TLE5: variants seen among roughly 807,000 people sequenced by gnomAD.
TLE5 encodes TLE family member 5, transcriptional modulator.
In TLE5, 7 loss-of-function variants were observed where a neutral mutation model predicts 25.8. The ratio of observed to expected loss-of-function variants is 0.27; its 90% CI spans 0.15 to 0.51. The LOEUF is 0.51. TLE5 is among the 20% of genes least tolerant of loss of function. The pLI, the probability that TLE5 is intolerant of heterozygous loss-of-function variation, is 0.97. For missense variants in TLE5, 149 were observed against 250.7 expected (o/e 0.59, Z 2.74); for synonymous variants, 132 against 110.5 (o/e 1.20, Z -1.22).
chr19:3,054,353 C>G (rs1374907810), intron 5 of TLE5, 159 bp from the exon 6 acceptor site: 1 of 650,182 alleles, frequency 1.5e-6, no homozygotes, highest in African/African-American at 1.8e-5. Context: ...CACCCTCCCT[C>G]TCTCCAACTG....
In TLE5 at chr19:3,053,513, G is replaced by A. The variant is rs1284308789; in HGVS notation, c.*306C>T. The stretch of plus-strand genomic sequence containing the variant: ...AAGGGCCGGGGCTGCTGCGCTTCGC[G>A]AGGTCTTGCTCCCTTGGGACCTGGT... On this transcript the variant is annotated 3_prime_UTR_variant, in exon 7 of 7. Coordinates refer to ENST00000327141, the MANE Select transcript of TLE5 (RefSeq NM_001130.6). 4.4e-6 allele frequency: 2 copies of A among 454,788 alleles called. No individual in the cohort carries two copies. Among genetic ancestry groups the A allele is most frequent in the African/African-American group, 2.0e-5 (1 of 50,770 alleles). 28.2% of individuals were successfully genotyped at this position (454,788 alleles called of 1,614,324 possible).
At chr19:3,055,836 A>C in intron 4 of TLE5, 110 bp from the exon 5 acceptor site, 5 of 1,239,132 alleles carry the variant, frequency 4.0e-6, no homozygotes, top group Non-Finnish European at 5.6e-6. Context: ...GCGGCTTCTA[A>C]GAGGGGCTAG....
chr19:3,058,906 C>T (rs2090242039), intron 2 of TLE5, among the ~76,000 whole-genome samples: 1 of 152,214 alleles, frequency 6.6e-6, no homozygotes, highest in South Asian at 2.1e-4. Context: ...AGCCCTTCGT[C>T]TTCCCTGCTG....
rs1172056825 is a variant in TLE5, at chr19:3,056,324, C to T, written c.222G>A (p.Glu74=). 3 of 1,528,530 alleles carry T rather than the reference C, an allele frequency of 2.0e-6. No homozygotes were observed. Among genetic ancestry groups the T allele is most frequent in the Non-Finnish European group, 2.6e-6 (3 of 1,138,332 alleles). The allele number at this position is 1,528,530 out of a possible 1,614,324, so 94.7% of individuals were successfully genotyped here. ...GAGATGGGCGTACCTGTTTGTGCAT[C>T]TCGATGTTCAAGCCGTAGGACATCT... The part of the protein sequence containing the change: ...YYEMSYGLNI[E]MHKQAEIVKR... Residue 74 remains glutamate (E), a synonymous_variant, in exon 4 of 7, where the codon GAG becomes GAA. Transcript: ENST00000327141.
In TLE5 at chr19:3,057,490, C is replaced by G. The variant is rs756285942; in HGVS notation, c.189+189G>C. On this transcript the variant is annotated intron_variant, in intron 3 of 6. Transcript: ENST00000327141. ...CGGTTTGGCACCTCGGCCACTGCCT[C>G]GGCCATCTGCCAGGCTAGCGAGGCA... The G allele has an allele frequency of 1.6e-5, 10 of 607,898 alleles. No individual in the cohort carries two copies. In the South Asian group the frequency reaches 1.8e-4, roughly 11 times the overall value. The allele number at this position is 607,898 out of a possible 1,614,324, so 37.7% of individuals were successfully genotyped here.
intron 5 of TLE5, chr19:3,055,392 A>G (rs2145256120): frequency 3.0e-6 from 1 of 330,220 alleles, no homozygotes. Context: ...GTTTAGGCCC[A>G]TCTGACATTT....
At chr19:3,056,516 G>C (rs1209511125) in intron 3 of TLE5, 160 bp from the exon 4 acceptor site, 3 of 604,490 alleles carry the variant, frequency 5.0e-6, no homozygotes, top group East Asian at 6.2e-5. Context: ...GGGAGGGAAA[G>C]AGGAGGGAGA....
At chr19:3,057,360 G>T in intron 3 of TLE5, 1 of 379,956 alleles carries the variant, frequency 2.6e-6, no homozygotes, top group African/African-American at 2.1e-5. Flanking sequence ...GCTCCCCCAC[G>T]TCAGTTCCTG....
chr19:3,059,822 C>G lies in TLE5; in HGVS notation c.125+1338G>C, dbSNP rs982209687. Among the ~76,000 whole-genome samples the G allele has an allele frequency of 2.0e-5, 3 of 152,186 alleles. No homozygotes were observed. In the East Asian group the frequency reaches 5.8e-4, roughly 29 times the overall value. The stretch of plus-strand genomic sequence containing the variant: ...GCTCACCAGGCGGTATCCAACCCTT[C>G]ATATCGAGGAACCCGCACAAAAGCT... On this transcript the variant is annotated intron_variant, in intron 2 of 6. Coordinates refer to ENST00000327141, the MANE Select transcript of TLE5 (RefSeq NM_001130.6).
At chr19:3,058,786 G>A (rs1340141411) in intron 2 of TLE5, among the ~76,000 whole-genome samples, 1 of 152,138 alleles carries the variant, frequency 6.6e-6, no homozygotes, top group East Asian at 1.9e-4. Context: ...TGGTGGGGGA[G>A]GTGTCCTTTA....
In TLE5 at chr19:3,053,456, A is replaced by C. The variant is rs947969568; in HGVS notation, c.*363T>G. The stretch of plus-strand genomic sequence containing the variant: ...AGGGTGAGAGGGCTGTGGCCCAGGC[A>C]GACTGTCGGTTACACATGTTCAAAA... On this transcript the variant is annotated 3_prime_UTR_variant, in exon 7 of 7. Transcript: ENST00000327141. 2 of 293,428 alleles carry C rather than the reference A, an allele frequency of 6.8e-6. No individual in the cohort carries two copies. Among genetic ancestry groups the C allele is most frequent in the South Asian group, 4.9e-5 (1 of 20,488 alleles). The allele number at this position is 293,428 out of a possible 1,614,324, so 18.2% of individuals were successfully genotyped here. A position where few individuals can be genotyped will look rare whatever the true frequency, so the allele number is the denominator to read the frequency against.
chr19:3,061,806 C>T (rs2090271189), intron 1 of TLE5, among the ~76,000 whole-genome samples: 1 of 148,144 alleles, frequency 6.8e-6, no homozygotes, highest in African/African-American at 2.5e-5. Context: ...GATCCCCGGG[C>T]TAGAGGTGCC....
intron 2 of TLE5, among the ~76,000 whole-genome samples, chr19:3,058,999 G>A (rs1053460171): frequency 3.3e-5 from 5 of 152,130 alleles, no homozygotes; most frequent in African/African-American, 7.2e-5. Context: ...GCAGGGTGGG[G>A]TGGAGAAGAG....
chr19:3,054,086 T>TCGGGGGGCGCC, intron 6 of TLE5, 34 bp downstream of exon 6: 1 of 1,512,816 alleles, frequency 6.6e-7, no homozygotes, highest in Non-Finnish European at 8.9e-7. Context: ...GGCCCACCTG[T>TCGGGGGGCGCC]CCCCCGCCCA....
intron 1 of TLE5, 79 bp from the exon 2 acceptor site, chr19:3,061,336 G>T (rs928162039): frequency 3.5e-6 from 4 of 1,143,302 alleles, no homozygotes; most frequent in Non-Finnish European, 5.2e-6. Context: ...GGGAGCGGCC[G>T]CGCAGCTGCG....
chr19:3,062,058 C>T, intron 1 of TLE5, 116 bp downstream of exon 1: 2 of 233,538 alleles, frequency 8.6e-6, no homozygotes, highest in Non-Finnish European at 1.2e-5. Flanking sequence ...TTGGGGGGGG[C>T]GCCGGGCCGG....
chr19:3,053,618 G>T lies in TLE5; in HGVS notation c.*201C>A. 1.6e-6 allele frequency: 1 copy of T among 617,944 alleles called. No homozygotes were observed. Among genetic ancestry groups the T allele is most frequent in the Admixed American group, 3.0e-5 (1 of 33,834 alleles). The allele number at this position is 617,944 out of a possible 1,614,324, so 38.3% of individuals were successfully genotyped here. Reference sequence around the variant, plus strand: ...ACCTAACCAGGCTGCAGGGGAGGAGGAGGGAAGCCGGGAATGGGGTAGGAA... The same window carrying T: ...ACCTAACCAGGCTGCAGGGGAGGAGTAGGGAAGCCGGGAATGGGGTAGGAA... On this transcript the variant is annotated 3_prime_UTR_variant, in exon 7 of 7. Transcript: ENST00000327141.
chr19:3,060,830 T>G, intron 2 of TLE5: 1 of 175,452 alleles, frequency 5.7e-6, no homozygotes, highest in East Asian at 1.5e-4. Flanking sequence ...GTTTTGGGGG[T>G]TGAGGGATGG....
intron 1 of TLE5, chr19:3,061,526 G>C: frequency 3.7e-6 from 1 of 272,270 alleles, no homozygotes; most frequent in Non-Finnish European, 7.0e-6. Flanking sequence ...GCCCTAGATG[G>C]GGGGCAGGGT....
Sources: gnomAD v4.1 joint callset for allele counts (sites outside exome capture counted in the v4.1 genomes callset) on GRCh38, gnomAD v4.1.1 for gene constraint, MANE v1.5 for transcripts, NCBI Gene and HGNC (gene_info 2026-07-23, HGNC 2026-07-21) for gene names.